The following NAV2 variants were observed in gnomAD, a reference collection of about 807,000 sequenced individuals.
The protein encoded by NAV2 is neuron navigator 2.
In NAV2, 54 loss-of-function variants were observed where a neutral mutation model predicts 223.2. That is an observed-to-expected ratio of 0.24 (90% confidence interval 0.19 to 0.30). The LOEUF (loss-of-function observed/expected upper bound fraction) is 0.30, where lower values mean the gene tolerates loss of function less well. NAV2 is among the 10% of genes least tolerant of loss of function. The pLI is 1.00. For missense variants in NAV2, 2,806 were observed against 3,147.5 expected, an observed-to-expected ratio of 0.89 and a Z score of 2.60; for synonymous variants, 1,279 against 1,239.3, an observed-to-expected ratio of 1.03 and a Z score of -0.67.
At chr11:19,818,661 C>T (rs2059228893) in intron 1 of NAV2, among the ~76,000 whole-genome samples, 1 of 152,188 alleles carries the variant, frequency 6.6e-6, no homozygotes, top group African/African-American at 2.4e-5. Flanking sequence ...CCAGTCCATG[C>T]CTGCCCTGGC....
intron 1 of NAV2, among the ~76,000 whole-genome samples, chr11:19,359,329 C>T (rs1311234515): frequency 1.3e-5 from 2 of 152,184 alleles, no homozygotes; most frequent in South Asian, 2.1e-4. Flanking sequence ...ATCCCTGTCA[C>T]CCCCACTGTA....
At chr11:19,995,815 C>T (rs916080306) in intron 11 of NAV2, among the ~76,000 whole-genome samples, 6 of 152,162 alleles carry the variant, frequency 3.9e-5, no homozygotes, top group African/African-American at 1.4e-4. Context: ...TTCCAAGTAA[C>T]TGAATTGTTT....
intron 1 of NAV2, among the ~76,000 whole-genome samples, chr11:19,512,902 A>G (rs1029361368): frequency 6.6e-6 from 1 of 152,238 alleles, no homozygotes; most frequent in South Asian, 2.1e-4. Context: ...AGAGGGATAC[A>G]ACCTGTAAAG....
At chr11:19,984,716 C>T (rs1305486016) in intron 11 of NAV2, among the ~76,000 whole-genome samples, 4 of 152,198 alleles carry the variant, frequency 2.6e-5, no homozygotes, top group African/African-American at 9.6e-5. Context: ...TGCTTAAGGA[C>T]ATGGGTTTAG....
intron 11 of NAV2, among the ~76,000 whole-genome samples, chr11:20,029,287 G>T (rs11828003): frequency 0.01 from 1,535 of 152,326 alleles, 27 homozygotes; most frequent in African/African-American, 0.035. Context: ...CCTCACGGGT[G>T]GTAGTTCTGT....
chr11:19,689,328 G>A (rs139642690), intron 1 of NAV2, among the ~76,000 whole-genome samples: 20 of 152,326 alleles, frequency 1.3e-4, no homozygotes, highest in Non-Finnish European at 2.6e-4. Flanking sequence ...CAAGGGATAC[G>A]TGCAAAGACA....
chr11:19,945,158 TTCCCTTCCCTTCC>T, intron 8 of NAV2, among the ~76,000 whole-genome samples: 1 of 11,750 alleles, frequency 8.5e-5, no homozygotes, highest in Admixed American at 8.7e-4. Context: ...TCTGTCTCCC[TTCCCTTCCCTTCC>T]CTTCCCTTCC....
intron 1 of NAV2, among the ~76,000 whole-genome samples, chr11:19,466,453 G>A (rs1564959447): frequency 6.6e-6 from 1 of 152,252 alleles, no homozygotes; most frequent in African/African-American, 2.4e-5. Context: ...AACAAGGTAG[G>A]AGGTGTGCAG....
intron 6 of NAV2, among the ~76,000 whole-genome samples, chr11:19,910,792 AG>A (rs2043242062): frequency 6.6e-6 from 1 of 152,180 alleles, no homozygotes; most frequent in Non-Finnish European, 1.5e-5. Context: ...TGAGAGGCGG[AG>A]GTTGCAGTGA....
At chr11:19,670,395 G>T (rs923980227) in intron 1 of NAV2, among the ~76,000 whole-genome samples, 1 of 152,220 alleles carries the variant, frequency 6.6e-6, no homozygotes, top group African/African-American at 2.4e-5. Context: ...CATCTCCGGG[G>T]ACTCCCGCTG....
intron 1 of NAV2, among the ~76,000 whole-genome samples, chr11:19,477,049 T>TG (rs2042138928): frequency 2.6e-5 from 4 of 152,166 alleles, no homozygotes; most frequent in Non-Finnish European, 4.4e-5. Context: ...AAGGGGTCCT[T>TG]TGCCCCCACA....
At chr11:19,467,688 C>A (rs1292310714) in intron 1 of NAV2, among the ~76,000 whole-genome samples, 2 of 152,184 alleles carry the variant, frequency 1.3e-5, no homozygotes, top group African/African-American at 4.8e-5. Context: ...ATCAGAATGG[C>A]ATCTTGCTGC....
chr11:19,980,235 A>G (rs73432288), intron 10 of NAV2, among the ~76,000 whole-genome samples: 8,502 of 152,252 alleles, frequency 0.056, 763 homozygotes, highest in African/African-American at 0.19. Flanking sequence ...AAGCTTAAGA[A>G]GGTGGATGCG....
intron 1 of NAV2, among the ~76,000 whole-genome samples, chr11:19,716,956 T>C (rs1438241656): frequency 6.6e-6 from 1 of 152,216 alleles, no homozygotes; most frequent in African/African-American, 2.4e-5. Context: ...TTGGTAACTT[T>C]GTGAGTAGCA....
At chr11:19,512,207 C>G (rs908984775) in intron 1 of NAV2, among the ~76,000 whole-genome samples, 8 of 152,186 alleles carry the variant, frequency 5.3e-5, no homozygotes, top group African/African-American at 1.9e-4. Context: ...AGGGTCTGAT[C>G]AACTCTGAGA....
At chr11:19,743,029 A>G (rs1047880888) in intron 1 of NAV2, among the ~76,000 whole-genome samples, 7 of 152,202 alleles carry the variant, frequency 4.6e-5, no homozygotes, top group Non-Finnish European at 1.0e-4. Flanking sequence ...AAGATTAGAG[A>G]AGGAAGAACA....
chr11:19,368,898 G>A (rs1445413755), intron 1 of NAV2, among the ~76,000 whole-genome samples: 3 of 152,218 alleles, frequency 2.0e-5, no homozygotes, highest in South Asian at 2.1e-4. Context: ...TCAGATTAAC[G>A]TTCAAGTCCA....
At chr11:19,899,648 C>T (rs769343716) in intron 6 of NAV2, among the ~76,000 whole-genome samples, 11 of 152,224 alleles carry the variant, frequency 7.2e-5, no homozygotes, top group African/African-American at 1.9e-4. Flanking sequence ...ATGATGCTCA[C>T]GTGTTCTATA....
In NAV2 at chr11:19,646,647, T is replaced by C. The variant is rs981722917; in HGVS notation, c.76-185837T>C. The stretch of plus-strand genomic sequence containing the variant: ...GGGGATGTTGGGGTATATTTGAGGG[T>C]GAGGGTGCTGGCCAGAGGCAGGTAA... On this transcript the variant is annotated intron_variant, in intron 1 of 37. Coordinates refer to the NAV2 transcript ENST00000360655. 6.6e-5 allele frequency among the ~76,000 whole-genome samples: 10 copies of C among 151,920 alleles called. 1 individual carries two copies. The highest frequency in any genetic ancestry group is 7.4e-5 in the Non-Finnish European group (5 of 67,980).
Sources: gnomAD v4.1 joint callset for allele counts (sites outside exome capture counted in the v4.1 genomes callset) on GRCh38, gnomAD v4.1.1 for gene constraint, MANE v1.5 for transcripts, NCBI Gene and HGNC (gene_info 2026-07-23, HGNC 2026-07-21) for gene names.